The following TMEM94 variants were observed in gnomAD, a reference collection of about 807,000 sequenced individuals.
TMEM94 encodes the protein ER Mg2+ ATPase.
In TMEM94, 81 loss-of-function variants were observed where a neutral mutation model predicts 158.6. The observed-to-expected ratio is 0.51, with a 90% confidence interval of 0.43 to 0.61. TMEM94 has a LOEUF of 0.61. Among genes scored for constraint, TMEM94 ranks in the 20% least tolerant of loss-of-function variants. TMEM94 has a pLI of 0.00. For synonymous variants in TMEM94, 751 were observed against 730.7 expected (o/e 1.03, Z -0.45); for missense variants, 1,435 against 1,762.0 (o/e 0.81, Z 3.32).
intron 5 of TMEM94, among the ~76,000 whole-genome samples, chr17:75,486,665 G>T (rs2051643259): frequency 6.6e-6 from 1 of 152,246 alleles, no homozygotes; most frequent in East Asian, 1.9e-4. Context: ...ACAGTGGCAG[G>T]TGGGCTTGCA....
Position 75,497,800 on chromosome 17 carries a change from C to G in TMEM94, c.3427C>G (p.Pro1143Ala). 2 of 1,613,156 alleles carry G rather than the reference C, an allele frequency of 1.2e-6. No homozygotes were observed. The highest frequency in any genetic ancestry group is 1.7e-6 in the Non-Finnish European group (2 of 1,179,268). ...TTTCAGCATCTCTCTGCTGGGGAAG[C>G]CCCCCCATAGCTCCATCATGTCTAT... ...PLLSISLLGK[P>A]PHSSIMSMAT... is the part of the protein sequence containing the mutation. The change falls in exon 27 of 32, where the codon CCC becomes GCC. Residue 1143 changes from proline (P) to alanine (A), a missense_variant. Transcript: ENST00000314256.
At chr17:75,488,203 CCCAGACTTCATCCGGAAGCTT>C in intron 6 of TMEM94, 69 bp downstream of exon 6, 1 of 1,477,832 alleles carries the variant, frequency 6.8e-7, no homozygotes, top group Admixed American at 1.7e-5. Context: ...TGGGAGGGTC[CCCAGACTTCATCCGGAAGCTT>C]CCCGGCCAGC....
intron 16 of TMEM94, 132 bp downstream of exon 16, chr17:75,493,234 C>A: frequency 9.6e-7 from 1 of 1,046,492 alleles, no homozygotes; most frequent in Non-Finnish European, 1.4e-6. Flanking sequence ...GTGTTCCACT[C>A]TGGCAGGGCT....
In TMEM94 at chr17:75,495,612, A is replaced by G. The variant is rs781159785; in HGVS notation, c.2913A>G (p.Leu971=). The G allele has an allele frequency of 3.1e-6, 5 of 1,613,564 alleles. No individual in the cohort carries two copies. The highest frequency in any genetic ancestry group is 4.2e-6 in the Non-Finnish European group (5 of 1,180,008). ...HLQNIDNVPL[L]VPLFTDCTPE... ...AGAACATTGACAACGTGCCCCTGCT[A>G]GTGCCCCTTTTCACCGACTGCACCC... The change falls in exon 22 of 32, where the codon CTA becomes CTG. Residue 971 remains leucine (L), a synonymous_variant. Coordinates refer to ENST00000314256, the MANE Select transcript of TMEM94 (RefSeq NM_014738.6). This position sits in a 1 kb window ranked among gnomAD's most constrained non-coding sequence, Gnocchi z 5.6.
intron 19 of TMEM94, 37 bp downstream of exon 19, chr17:75,494,845 G>A: frequency 1.9e-6 from 3 of 1,612,660 alleles, no homozygotes; most frequent in Non-Finnish European, 2.5e-6. Context: ...CACTAACTCT[G>A]TTTCCACGGG....
chr17:75,482,527 TGTA>T (rs2051254868), intron 2 of TMEM94, among the ~76,000 whole-genome samples: 4 of 14,500 alleles, frequency 2.8e-4, no homozygotes, highest in Non-Finnish European at 5.6e-4. Flanking sequence ...TATATATATA[TGTA>T]TGTATGTATG....
At position 75,495,955 on chromosome 17, in the gene TMEM94, G is replaced by T; in HGVS notation, c.2945-11G>T. On this transcript the variant is annotated splice_polypyrimidine_tract_variant and intron_variant, in intron 22 of 31. Coordinates refer to ENST00000314256, the MANE Select transcript of TMEM94 (RefSeq NM_014738.6). The surrounding 1 kb of genome is among the most constrained non-coding windows in gnomAD (Gnocchi z 5.6). ...CTGCCTGACTCTGGTGCCCTTATAC[G>T]CTGTCCTCAGCCATGTGTGAGATGA... 5.0e-6 allele frequency: 8 copies of T among 1,601,076 alleles called. No individual in the cohort carries two copies. Among genetic ancestry groups the T allele is most frequent in the Non-Finnish European group, 6.8e-6 (8 of 1,169,398 alleles).
Position 75,491,645 on chromosome 17 carries a change from G to C in TMEM94, c.1387-46G>C, listed in dbSNP as rs761962025. 1.3e-6 allele frequency: 2 copies of C among 1,597,260 alleles called. No individual in the cohort carries two copies. The highest frequency in any genetic ancestry group is 2.7e-5 in the African/African-American group (2 of 74,522). ...ACCTAGAAGCATCCTGCCTCCCCAG[G>C]CCATGGGAGCCACTGGTCCTAGCCT... On this transcript the variant is annotated intron_variant, in intron 13 of 31. Coordinates refer to ENST00000314256, the MANE Select transcript of TMEM94 (RefSeq NM_014738.6). The surrounding 1 kb of genome is among the most constrained non-coding windows in gnomAD (Gnocchi z 5.1).
In TMEM94 at chr17:75,488,802, C is replaced by G. The variant is rs369687856; in HGVS notation, c.656C>G (p.Pro219Arg). ...CTGGAGCCGGGAGACCTCTTCCCCC[C>G]CTTCTCCCCTCCACCCTCACCCCGG... ...IVLEPGDLFP[P>R]FSPPPSPRGE... Residue 219 changes from proline (P) to arginine (R), a missense_variant, in exon 7 of 32, where the codon CCC becomes CGC. By Grantham distance (103) the Pro-to-Arg change is moderately radical. Coordinates refer to ENST00000314256, the MANE Select transcript of TMEM94 (RefSeq NM_014738.6). 81 of 1,613,550 alleles carry G rather than the reference C, an allele frequency of 5.0e-5. No homozygotes were observed. The highest frequency in any genetic ancestry group is 5.8e-5 in the Non-Finnish European group (69 of 1,179,770).
chr17:75,464,608 TTCCTTTCTTTCTTTCCTTCC>T lies in TMEM94; in HGVS notation c.-106-7190_-106-7171del, dbSNP rs1567906637. The stretch of plus-strand genomic sequence containing the variant: ...TCATTTTCTTTCTTTCTTTCTTTCC[TTCCTTTCTTTCTTTCCTTCC>T]TTCCTTCCTTCCTTCCTTCCTTCCT... On this transcript the variant is annotated intron_variant, in intron 1 of 31. Coordinates refer to ENST00000314256, the MANE Select transcript of TMEM94 (RefSeq NM_014738.6). Among the ~76,000 whole-genome samples, 53 of 76,050 alleles carry T rather than the reference TTCCTTTCTTTCTTTCCTTCC, an allele frequency of 7.0e-4. 6 individuals carry two copies. The highest frequency in any genetic ancestry group is 3.0e-3 in the South Asian group (6 of 2,032). The allele number at this position is 76,050 out of a possible 152,430, so 49.9% of individuals were successfully genotyped here. A position where few individuals can be genotyped will look rare whatever the true frequency, so the allele number is the denominator to read the frequency against.
chr17:75,493,021 C>G lies in TMEM94; in HGVS notation c.2005C>G (p.Leu669Val), dbSNP rs1598418851. The G allele has an allele frequency of 3.1e-6, 5 of 1,613,634 alleles. No homozygotes were observed. The African/African-American group carries it at 4.0e-5, about 13-fold the overall frequency. The change falls in exon 16 of 32, where the codon CTG becomes GTG. Residue 669 changes from leucine to valine, a missense_variant. Leu to Val is a conservative substitution (Grantham distance 32). This residue lies in a region of TMEM94 where 1,051 missense variants were observed against 1,254.4 expected (regional missense o/e 0.84). Transcript: ENST00000314256. ...TGCCGAGACAATGAAGGAGACATCG[C>G]TGGGGCGGCTCTCCTGTGTCACCAA... ...PSAETMKETS[L>V]GRLSCVTKRR...
In TMEM94 at chr17:75,491,766, G is replaced by A. The variant is rs753606974; in HGVS notation, c.1462G>A (p.Asp488Asn). Residue 488 changes from aspartate to asparagine, a missense_variant, in exon 14 of 32, where the codon GAC (aspartate) becomes AAC (asparagine). Around this residue, in one of 3 missense-constraint regions of TMEM94, gnomAD observed 1,051 missense variants for 1,254.4 expected, o/e 0.84. Transcript: ENST00000314256. The surrounding 1 kb of genome is among the most constrained non-coding windows in gnomAD (Gnocchi z 5.1). Reference protein sequence around the residue: ...LHLSNEQERGDWPGEAPKPPE... With the variant: ...LHLSNEQERGNWPGEAPKPPE... ...CCTTTCCAATGAGCAGGAGCGTGGCGACTGGCCTGGCGAGGCTCCCAAGCC... is the reference window on the plus strand; with the variant it reads ...CCTTTCCAATGAGCAGGAGCGTGGCAACTGGCCTGGCGAGGCTCCCAAGCC... 1.4e-5 allele frequency: 23 copies of A among 1,613,896 alleles called. No homozygotes were observed. Among genetic ancestry groups the A allele is most frequent in the African/African-American group, 6.7e-5 (5 of 74,912 alleles).
chr17:75,492,373 C>T lies in TMEM94; in HGVS notation c.1597-101C>T, dbSNP rs1235697589. On this transcript the variant is annotated intron_variant, in intron 14 of 31. Coordinates refer to ENST00000314256, the MANE Select transcript of TMEM94 (RefSeq NM_014738.6). The surrounding 1 kb of genome is among the most constrained non-coding windows in gnomAD (Gnocchi z 4.4). ...GCTCTCTCCTGGGAAGGGTGCCTTT[C>T]AGGGGCAGGAGCCCTCCCCAGCCTT... 9 of 1,465,210 alleles carry T rather than the reference C, an allele frequency of 6.1e-6. No homozygotes were observed. In the East Asian group the frequency reaches 1.7e-4, roughly 28 times the overall value. 90.8% of individuals were successfully genotyped at this position (1,465,210 alleles called of 1,614,324 possible).
At chr17:75,470,704 C>CA (rs1210801967) in intron 1 of TMEM94, among the ~76,000 whole-genome samples, 258 of 117,368 alleles carry the variant, frequency 2.2e-3, no homozygotes, top group African/African-American at 4.1e-3. Context: ...GACTCTGTCT[C>CA]AAAAAAAAAA....
chr17:75,466,705 C>A (rs974132364), intron 1 of TMEM94, among the ~76,000 whole-genome samples: 1 of 151,944 alleles, frequency 6.6e-6, no homozygotes, highest in African/African-American at 2.4e-5. Context: ...GTAATCCCAG[C>A]TGTTCGGGAG....
intron 2 of TMEM94, among the ~76,000 whole-genome samples, chr17:75,480,803 C>T (rs530715203): frequency 1.1e-4 from 17 of 152,348 alleles, no homozygotes; most frequent in African/African-American, 3.8e-4. Context: ...GTCTCCATCT[C>T]TTGGGTGGAC....
Position 75,492,512 on chromosome 17 carries a change from G to A in TMEM94, c.1635G>A (p.Glu545=). 1.2e-6 allele frequency: 2 copies of A among 1,610,922 alleles called. No homozygotes were observed. The highest frequency in any genetic ancestry group is 1.7e-6 in the Non-Finnish European group (2 of 1,177,950). ...PGMESDPYEA[E]DFVCDYHLEM... is the part of the protein sequence containing the mutation. ...TGGAGAGCGACCCCTACGAAGCAGA[G>A]GACTTTGTGTGTGACTACCACCTGG... Residue 545 remains glutamate (E), a synonymous_variant, in exon 15 of 32, where the codon GAG becomes GAA. Coordinates refer to ENST00000314256, the MANE Select transcript of TMEM94 (RefSeq NM_014738.6). The surrounding 1 kb of genome is among the most constrained non-coding windows in gnomAD (Gnocchi z 4.4).
intron 2 of TMEM94, chr17:75,476,467 C>A: frequency 7.2e-7 from 1 of 1,387,060 alleles, no homozygotes; most frequent in South Asian, 1.7e-5. Flanking sequence ...CTCCTCCCTC[C>A]CTGAATCTGC....
intron 1 of TMEM94, among the ~76,000 whole-genome samples, chr17:75,461,521 A>G (rs2050068043): frequency 6.6e-6 from 1 of 152,182 alleles, no homozygotes; most frequent in Non-Finnish European, 1.5e-5. Flanking sequence ...TTTAAAAAGT[A>G]TATATAGTAA....
Sources: gnomAD v4.1 joint callset for allele counts (sites outside exome capture counted in the v4.1 genomes callset) on GRCh38, gnomAD v4.1.1 for gene constraint, gnomAD v4.1.1 regional missense constraint, Gnocchi (gnomAD v3.1) non-coding constraint, MANE v1.5 for transcripts, NCBI Gene and HGNC (gene_info 2026-07-23, HGNC 2026-07-21) for gene names.